The following GRIK2 variants were observed in gnomAD, a reference collection of about 807,000 sequenced individuals.
GRIK2 encodes the protein glutamate receptor ionotropic, kainate 2.
GRIK2 carries 32 observed loss-of-function variants against 100.3 expected under a neutral mutation model. The observed-to-expected ratio is 0.32, with a 90% confidence interval of 0.24 to 0.43. GRIK2 has a LOEUF of 0.43. GRIK2 is among the 20% of genes least tolerant of loss of function. GRIK2 has a pLI of 1.00. For missense variants in GRIK2, 843 were observed against 1,114.9 expected (o/e 0.76, Z 3.47); for synonymous variants, 417 against 389.4 (o/e 1.07, Z -0.83).
chr6:101,409,416 T>C (rs1196968812), intron 2 of GRIK2, among the ~76,000 whole-genome samples: 1 of 152,136 alleles, frequency 6.6e-6, no homozygotes, highest in Non-Finnish European at 1.5e-5. Context: ...AAGAATGTAT[T>C]CCTGTTGTTA....
chr6:101,443,173 A>T (rs189936592), intron 2 of GRIK2, among the ~76,000 whole-genome samples: 17 of 152,288 alleles, frequency 1.1e-4, no homozygotes, highest in Non-Finnish European at 1.3e-4. Flanking sequence ...CTGGGATAAG[A>T]GGCACATAGT....
chr6:101,859,158 A>C (rs1422974523), intron 10 of GRIK2, 129 bp from the exon 11 acceptor site: 2 of 579,786 alleles, frequency 3.4e-6, no homozygotes, highest in African/African-American at 3.7e-5. Flanking sequence ...AATTATAATT[A>C]GAAGAAAATA....
At chr6:101,999,624 G>T (rs1794827391) in intron 14 of GRIK2, among the ~76,000 whole-genome samples, 1 of 151,596 alleles carries the variant, frequency 6.6e-6, no homozygotes. Flanking sequence ...GTAATATGTT[G>T]TCTATGGAAA....
chr6:102,037,877 G>A (rs1334073265), intron 15 of GRIK2, among the ~76,000 whole-genome samples: 1 of 151,200 alleles, frequency 6.6e-6, no homozygotes, highest in African/African-American at 2.4e-5. Flanking sequence ...CCAGTTATTT[G>A]GAATTTGTGA....
intron 7 of GRIK2, among the ~76,000 whole-genome samples, chr6:101,777,085 C>T (rs563466364): frequency 1.4e-4 from 22 of 152,326 alleles, no homozygotes; most frequent in Non-Finnish European, 2.8e-4. Context: ...GTGTAGTCCA[C>T]GCAGCTGCTG....
intron 7 of GRIK2, among the ~76,000 whole-genome samples, chr6:101,772,365 T>C (rs959111667): frequency 6.6e-6 from 1 of 152,154 alleles, no homozygotes; most frequent in East Asian, 1.9e-4. Context: ...TGGACTGAAG[T>C]GGAAGAGGAT....
chr6:101,802,133 A>G (rs548477835), intron 8 of GRIK2, among the ~76,000 whole-genome samples, 198 bp from the exon 9 acceptor site: 1 of 152,058 alleles, frequency 6.6e-6, no homozygotes, highest in East Asian at 1.9e-4. Context: ...TGAAAAATTT[A>G]TAGTAAATTT....
chr6:101,901,904 A>G (rs1787870012), intron 12 of GRIK2, among the ~76,000 whole-genome samples: 1 of 151,976 alleles, frequency 6.6e-6, no homozygotes, highest in South Asian at 2.1e-4. Flanking sequence ...ATTTAATAGC[A>G]TATTATTACA....
chr6:101,634,582 A>G (rs1780916329), intron 4 of GRIK2, among the ~76,000 whole-genome samples: 1 of 152,110 alleles, frequency 6.6e-6, no homozygotes, highest in Non-Finnish European at 1.5e-5. Context: ...AAATGAAGAA[A>G]ATCAACAAAA....
chr6:102,045,399 C>T (rs1358200415), intron 15 of GRIK2, among the ~76,000 whole-genome samples: 1 of 151,974 alleles, frequency 6.6e-6, no homozygotes, highest in Non-Finnish European at 1.5e-5. Context: ...ATCTACATTC[C>T]AGTTTTGGAA....
chr6:101,448,038 T>TCA (rs1770474290), intron 2 of GRIK2, among the ~76,000 whole-genome samples: 2 of 151,720 alleles, frequency 1.3e-5, no homozygotes. Flanking sequence ...AATTAACATG[T>TCA]AGGCAGCCAG....
At chr6:101,759,867 A>ATTTATT (rs956255630) in intron 7 of GRIK2, among the ~76,000 whole-genome samples, 1 of 147,024 alleles carries the variant, frequency 6.8e-6, no homozygotes, top group African/African-American at 2.6e-5. Context: ...TTATTTTTTT[A>ATTTATT]TTTATTTTTA....
chr6:101,904,490 T>TA (rs1377129416), intron 12 of GRIK2, among the ~76,000 whole-genome samples: 3 of 151,622 alleles, frequency 2.0e-5, no homozygotes, highest in Admixed American at 6.6e-5. Flanking sequence ...TTTAATTTTT[T>TA]AAAAAAATGG....
chr6:101,913,105 G>T (rs1352789143), intron 12 of GRIK2, among the ~76,000 whole-genome samples: 2 of 151,484 alleles, frequency 1.3e-5, no homozygotes, highest in Admixed American at 6.6e-5. Flanking sequence ...AAAAAGACAG[G>T]TAGACTGGGT....
At chr6:101,691,904 T>C (rs562054438) in intron 7 of GRIK2, among the ~76,000 whole-genome samples, 5 of 151,922 alleles carry the variant, frequency 3.3e-5, no homozygotes, top group Admixed American at 2.6e-4. Context: ...GATTTACTTG[T>C]ATAGCTGGGT....
intron 2 of GRIK2, among the ~76,000 whole-genome samples, chr6:101,596,903 G>A (rs1778953200): frequency 1.3e-5 from 2 of 151,728 alleles, no homozygotes; most frequent in Non-Finnish European, 2.9e-5. Context: ...ATACCCAAAG[G>A]AAAGTAAATT....
intron 2 of GRIK2, among the ~76,000 whole-genome samples, chr6:101,564,027 G>T (rs1450507149): frequency 6.6e-6 from 1 of 152,058 alleles, no homozygotes; most frequent in South Asian, 2.1e-4. Flanking sequence ...TGCTTAATAT[G>T]TGCATCTTGG....
intron 15 of GRIK2, among the ~76,000 whole-genome samples, chr6:102,052,665 G>C (rs1771259441): frequency 6.6e-6 from 1 of 152,170 alleles, no homozygotes; most frequent in Non-Finnish European, 1.5e-5. Flanking sequence ...TCTTTCAATA[G>C]TTCTCAAAAT....
intron 11 of GRIK2, among the ~76,000 whole-genome samples, chr6:101,869,549 C>T (rs919073214): frequency 6.6e-6 from 1 of 151,784 alleles, no homozygotes; most frequent in African/African-American, 2.4e-5. Flanking sequence ...TGATAGTCAT[C>T]TGATCAAGTC....
Sources: gnomAD v4.1 joint callset for allele counts (sites outside exome capture counted in the v4.1 genomes callset) on GRCh38, gnomAD v4.1.1 for gene constraint, MANE v1.5 for transcripts, NCBI Gene and HGNC (gene_info 2026-07-23, HGNC 2026-07-21) for gene names.